Variants in OR6C4 observed in about 807,000 individuals in gnomAD.
OR6C4 encodes olfactory receptor 6C4.
Under a neutral mutation model 15.1 loss-of-function variants are expected in OR6C4, and 20 were observed. The observed-to-expected ratio is 1.32, with a 90% CI of 0.93 to 1.92. The LOEUF (loss-of-function observed/expected upper bound fraction) is 1.92, where lower values mean the gene tolerates loss of function less well. Ranked by LOEUF, OR6C4 falls within the 30% of genes most tolerant of loss-of-function variation. The pLI, the probability that OR6C4 is intolerant of heterozygous loss-of-function variation, is 0.00. For synonymous variants in OR6C4, 179 were observed against 134.2 expected, an observed-to-expected ratio of 1.33 and a Z score of -2.31; for missense variants, 491 against 363.2, an observed-to-expected ratio of 1.35 and a Z score of -2.86.
rs1873941070 is a variant in OR6C4, at chr12:55,553,778, C to G, written c.*1622C>G. 6.6e-6 allele frequency: 1 copy of G among 152,060 alleles called. No individual in the cohort carries two copies. The highest frequency in any genetic ancestry group is 1.5e-5 in the Non-Finnish European group (1 of 68,006). 9.4% of individuals were successfully genotyped at this position (152,060 alleles called of 1,614,324 possible). A position where few individuals can be genotyped will look rare whatever the true frequency, so the allele number is the denominator to read the frequency against. ...TTAAAACATAGGCTTTAGTTCAAAT[C>G]CCAGATTTTCAACTTTCTACCAAAG... is the stretch of plus-strand genomic sequence containing the variant. On this transcript the variant is annotated 3_prime_UTR_variant, in exon 2 of 2. Coordinates refer to ENST00000641569, the MANE Select transcript of OR6C4 (RefSeq NM_001005494.2).
At position 55,552,151 on chromosome 12, in the gene OR6C4, C is replaced by T; in HGVS notation, c.925C>T (p.Leu309Phe). 1 of 1,586,942 alleles carries T rather than the reference C, an allele frequency of 6.3e-7. No individual in the cohort carries two copies. Among genetic ancestry groups the T allele is most frequent in the Non-Finnish European group, 8.5e-7 (1 of 1,171,086 alleles). ...FKDSVKKIVK[L>F] Reference sequence around the variant, plus strand: ...GGACTCAGTCAAAAAGATTGTGAAACTTTAAAAAAGGAGATTACACTTCAA... The same window carrying T: ...GGACTCAGTCAAAAAGATTGTGAAATTTTAAAAAAGGAGATTACACTTCAA... Residue 309 changes from leucine to phenylalanine, a missense_variant, in exon 2 of 2, where the codon CTT becomes TTT. Physicochemically the swap from Leu to Phe is conservative, Grantham distance 22. Transcript: ENST00000641569.
Position 55,551,552 on chromosome 12 carries a change from A to C in OR6C4, c.326A>C (p.Glu109Ala). 6.2e-7 allele frequency: 1 copy of C among 1,613,866 alleles called. No homozygotes were observed. Among genetic ancestry groups the C allele is most frequent in the Non-Finnish European group, 8.5e-7 (1 of 1,179,898 alleles). ...TTTGCTATATTTCTTGGAGCTACCG[A>C]GTTTTACCTCCTGGCCTCCATGTCT... ...YFFAIFLGAT[E>A]FYLLASMSYD... The change falls in exon 2 of 2, where the codon GAG (glutamate) becomes GCG (alanine). Residue 109 changes from glutamate to alanine, a missense_variant. By Grantham distance (107) the Glu-to-Ala change is moderately radical. Transcript: ENST00000641569.
At position 55,552,305 on chromosome 12, in the gene OR6C4, G is replaced by A; in HGVS notation, c.*149G>A. The stretch of plus-strand genomic sequence containing the variant: ...AAACTATAGTCTAGAATCAAGGAAA[G>A]ATATATAAATGGTAAATTTATGTAA... On this transcript the variant is annotated 3_prime_UTR_variant, in exon 2 of 2. Transcript: ENST00000641569. The A allele has an allele frequency of 1.9e-6, 1 of 518,838 alleles. No homozygotes were observed. Among genetic ancestry groups the A allele is most frequent in the Non-Finnish European group, 3.3e-6 (1 of 302,314 alleles). 32.1% of individuals were successfully genotyped at this position (518,838 alleles called of 1,614,324 possible).
rs182750674 is a variant in OR6C4 at position 55,554,219 on chromosome 12, T to G, written c.*2063T>G. On this transcript the variant is annotated 3_prime_UTR_variant, in exon 2 of 2. Coordinates refer to ENST00000641569, the MANE Select transcript of OR6C4 (RefSeq NM_001005494.2). ...ATACTTGGCAGCAGGTTATAAGAAC[T>G]GGGCTAGCATCAACTTCATTGCCCT... The G allele has an allele frequency of 3.9e-5, 6 of 152,274 alleles. No homozygotes were observed. The East Asian group carries it at 9.6e-4, about 24-fold the overall frequency. 9.4% of individuals were successfully genotyped at this position (152,274 alleles called of 1,614,324 possible).
chr12:55,550,543 A>T (rs753056480), intron 1 of OR6C4, among the ~76,000 whole-genome samples: 1 of 152,194 alleles, frequency 6.6e-6, no homozygotes, highest in Non-Finnish European at 1.5e-5. Context: ...ACATATCTCA[A>T]ATCAGTGCCT....
At chr12:55,550,618 C>G (rs1390964565) in intron 1 of OR6C4, among the ~76,000 whole-genome samples, 1 of 152,130 alleles carries the variant, frequency 6.6e-6, no homozygotes, top group Non-Finnish European at 1.5e-5. Context: ...GATGCTTGAA[C>G]CTTGTTCATG....
At position 55,553,853 on chromosome 12, in the gene OR6C4, C is replaced by G. The variant is rs757181432; in HGVS notation, c.*1697C>G. 97 of 152,078 alleles carry G rather than the reference C, an allele frequency of 6.4e-4. No homozygotes were observed. Among genetic ancestry groups the G allele is most frequent in the Admixed American group, 1.2e-3 (19 of 15,250 alleles). The allele number at this position is 152,078 out of a possible 1,614,324, so 9.4% of individuals were successfully genotyped here. On this transcript the variant is annotated 3_prime_UTR_variant, in exon 2 of 2. Coordinates refer to ENST00000641569, the MANE Select transcript of OR6C4 (RefSeq NM_001005494.2). ...TCTCTAAGGCTCACCTCTGTCAACT[C>G]TAAAATGTTTACAATAATAGTGTCT...
intron 1 of OR6C4, 58 bp from the exon 2 acceptor site, chr12:55,551,151 T>C (rs1873842503): frequency 9.4e-7 from 1 of 1,064,192 alleles, no homozygotes; most frequent in Admixed American, 2.2e-5. Flanking sequence ...AGATAAGCTT[T>C]ATGTCTCCTA....
rs751351376 is a variant in OR6C4, at chr12:55,551,726, G to C, written c.500G>C (p.Cys167Ser). 18 of 1,613,734 alleles carry C rather than the reference G, an allele frequency of 1.1e-5. No homozygotes were observed. Among genetic ancestry groups the C allele is most frequent in the Middle Eastern group, 3.3e-4 (2 of 6,078 alleles). The change falls in exon 2 of 2, where the codon TGT becomes TCT. Residue 167 changes from cysteine to serine, a missense_variant. Physicochemically the swap from Cys to Ser is moderately radical, Grantham distance 112. Transcript: ENST00000641569. ...PIILMTQVDF[C>S]VSNILNHYYC... ...ATCCTGATGACCCAGGTAGATTTCT[G>C]TGTCTCCAACATTCTGAATCACTAT...
Position 55,553,155 on chromosome 12 carries a change from A to C in OR6C4, c.*999A>C, listed in dbSNP as rs1271196377. On this transcript the variant is annotated 3_prime_UTR_variant, in exon 2 of 2. Coordinates refer to ENST00000641569, the MANE Select transcript of OR6C4 (RefSeq NM_001005494.2). ...ATATAAAGTGTCAATGCAATCTTAT[A>C]TCTAGAATGTTCCAAATTATGAGTC... 6.6e-6 allele frequency: 1 copy of C among 152,148 alleles called. No individual in the cohort carries two copies. Among genetic ancestry groups the C allele is most frequent in the South Asian group, 2.1e-4 (1 of 4,830 alleles). 9.4% of individuals were successfully genotyped at this position (152,148 alleles called of 1,614,324 possible). A position where few individuals can be genotyped will look rare whatever the true frequency, so the allele number is the denominator to read the frequency against.
chr12:55,554,153 T>A lies in OR6C4; in HGVS notation c.*1997T>A, dbSNP rs1381807622. On this transcript the variant is annotated 3_prime_UTR_variant, in exon 2 of 2. Coordinates refer to ENST00000641569, the MANE Select transcript of OR6C4 (RefSeq NM_001005494.2). Reference sequence around the variant, plus strand: ...TCCAGCTGCATGCTGGGTAGCTGGGTCAGCAAAGATCTTACCTACTCTTCA... The same window carrying A: ...TCCAGCTGCATGCTGGGTAGCTGGGACAGCAAAGATCTTACCTACTCTTCA... 2 of 152,114 alleles carry A rather than the reference T, an allele frequency of 1.3e-5. No homozygotes were observed. The highest frequency in any genetic ancestry group is 1.3e-4 in the Admixed American group (2 of 15,254). The allele number at this position is 152,114 out of a possible 1,614,324, so 9.4% of individuals were successfully genotyped here.
rs1249902316 is a variant in OR6C4, at chr12:55,552,718, C to A, written c.*562C>A. ...TTTCAAATGTAACCATTGCAACTTC[C>A]CTCCTTTCATAAGAGGAAAATGAAA... On this transcript the variant is annotated 3_prime_UTR_variant, in exon 2 of 2. Coordinates refer to ENST00000641569, the MANE Select transcript of OR6C4 (RefSeq NM_001005494.2). The A allele has an allele frequency of 6.6e-6, 1 of 152,016 alleles. No individual in the cohort carries two copies. Among genetic ancestry groups the A allele is most frequent in the African/African-American group, 2.4e-5 (1 of 41,418 alleles). The allele number at this position is 152,016 out of a possible 1,614,324, so 9.4% of individuals were successfully genotyped here. A position where few individuals can be genotyped will look rare whatever the true frequency, so the allele number is the denominator to read the frequency against.
At position 55,552,380 on chromosome 12, in the gene OR6C4, G is replaced by T; in HGVS notation, c.*224G>T. The T allele has an allele frequency of 2.5e-6, 1 of 393,456 alleles. No individual in the cohort carries two copies. Among genetic ancestry groups the T allele is most frequent in the South Asian group, 4.2e-5 (1 of 23,760 alleles). The allele number at this position is 393,456 out of a possible 1,614,324, so 24.4% of individuals were successfully genotyped here. ...ATTTTAATTGTTATTAGAGAAGAGT[G>T]AATGGGGATCTGAAAAGGAACAGTT... On this transcript the variant is annotated 3_prime_UTR_variant, in exon 2 of 2. Coordinates refer to ENST00000641569, the MANE Select transcript of OR6C4 (RefSeq NM_001005494.2).
chr12:55,550,153 AC>A (rs1873817649), intron 1 of OR6C4, 35 bp downstream of exon 1: 1 of 152,196 alleles, frequency 6.6e-6, no homozygotes, highest in Non-Finnish European at 1.5e-5. Flanking sequence ...GCTGCAGGAG[AC>A]CCAGGTCACA....
rs756655279 is a variant in OR6C4, at chr12:55,551,248, G to T, written c.22G>T (p.Gly8Cys). The T allele has an allele frequency of 5.0e-6, 8 of 1,610,314 alleles. No homozygotes were observed. The highest frequency in any genetic ancestry group is 1.7e-4 in the Middle Eastern group (1 of 6,042). MKNRTMF[G>C]EFILLGLTNQ... ...AACAATGAAAAACAGAACCATGTTT[G>T]GTGAGTTTATTCTACTGGGCCTTAC... The change falls in exon 2 of 2, where the codon GGT (glycine) becomes TGT (cysteine). Residue 8 changes from glycine to cysteine, a missense_variant. By Grantham distance (159) the Gly-to-Cys change is radical (BLOSUM62 -3). Transcript: ENST00000641569.
rs1308252029 is a variant in OR6C4, at chr12:55,553,870, A to G, written c.*1714A>G. 6.6e-6 allele frequency: 1 copy of G among 152,224 alleles called. No homozygotes were observed. The highest frequency in any genetic ancestry group is 1.5e-5 in the Non-Finnish European group (1 of 68,040). The allele number at this position is 152,224 out of a possible 1,614,324, so 9.4% of individuals were successfully genotyped here. Reference sequence around the variant, plus strand: ...TGTCAACTCTAAAATGTTTACAATAATAGTGTCTATCTTATAGTTTTGAGC... The same window carrying G: ...TGTCAACTCTAAAATGTTTACAATAGTAGTGTCTATCTTATAGTTTTGAGC... On this transcript the variant is annotated 3_prime_UTR_variant, in exon 2 of 2. Transcript: ENST00000641569.
rs932034333 is a variant in OR6C4 at position 55,553,196 on chromosome 12, A to G, written c.*1040A>G. 1 of 152,128 alleles carries G rather than the reference A, an allele frequency of 6.6e-6. No individual in the cohort carries two copies. The highest frequency in any genetic ancestry group is 1.5e-5 in the Non-Finnish European group (1 of 67,978). The allele number at this position is 152,128 out of a possible 1,614,324, so 9.4% of individuals were successfully genotyped here. ...ATTATGAGTCTTGAAAAACAACTAG[A>G]AATAGACTATCCTACCAAAAACTTT... On this transcript the variant is annotated 3_prime_UTR_variant, in exon 2 of 2. Coordinates refer to ENST00000641569, the MANE Select transcript of OR6C4 (RefSeq NM_001005494.2).
chr12:55,551,611 C>T lies in OR6C4; in HGVS notation c.385C>T (p.His129Tyr), dbSNP rs141863431. The stretch of plus-strand genomic sequence containing the variant: ...TTATGTGGCCATCTGCAAACCCTTG[C>T]ATTACCTGACTATTATGAGCAGCAG... ...DRYVAICKPL[H>Y]YLTIMSSRVC... is the part of the protein sequence containing the mutation. The change falls in exon 2 of 2, where the codon CAT (histidine) becomes TAT (tyrosine). Residue 129 changes from histidine to tyrosine, a missense_variant. Coordinates refer to ENST00000641569, the MANE Select transcript of OR6C4 (RefSeq NM_001005494.2). The T allele has an allele frequency of 1.2e-5, 19 of 1,613,854 alleles. No homozygotes were observed. In the African/African-American group the frequency reaches 2.0e-4, roughly 17 times the overall value.
rs1160924977 is a variant in OR6C4 at position 55,552,411 on chromosome 12, G to T, written c.*255G>T. The stretch of plus-strand genomic sequence containing the variant: ...GGATCTGAAAAGGAACAGTTGGAAA[G>T]AATTAGTTCTGTTTTCCATAAATTA... On this transcript the variant is annotated 3_prime_UTR_variant, in exon 2 of 2. Transcript: ENST00000641569. The T allele has an allele frequency of 9.5e-6, 3 of 316,684 alleles. No individual in the cohort carries two copies. Among genetic ancestry groups the T allele is most frequent in the Non-Finnish European group, 1.7e-5 (3 of 177,034 alleles). 19.6% of individuals were successfully genotyped at this position (316,684 alleles called of 1,614,324 possible).
Sources: gnomAD v4.1 joint callset for allele counts (sites outside exome capture counted in the v4.1 genomes callset) on GRCh38, gnomAD v4.1.1 for gene constraint, MANE v1.5 for transcripts, NCBI Gene and HGNC (gene_info 2026-07-23, HGNC 2026-07-21) for gene names.